The following OSBPL8 variants were observed in gnomAD, a reference collection of about 807,000 sequenced individuals.
OSBPL8 encodes the protein oxysterol-binding protein-related protein 8.
OSBPL8 carries 59 observed loss-of-function variants against 125.5 expected under a neutral mutation model. That is an observed-to-expected ratio of 0.47 (90% CI 0.38 to 0.58). OSBPL8 has a LOEUF of 0.58. Among genes scored for constraint, OSBPL8 ranks in the 20% least tolerant of loss-of-function variants. The pLI is 0.00. For missense variants in OSBPL8, 758 were observed against 1,047.8 expected (o/e 0.72, Z 3.82); for synonymous variants, 330 against 338.9 (o/e 0.97, Z 0.29).
chr12:76,367,372 T>C (rs564345453), intron 21 of OSBPL8, among the ~76,000 whole-genome samples: 5 of 152,290 alleles, frequency 3.3e-5, no homozygotes, highest in East Asian at 1.9e-4. Context: ...TTGGTTACTA[T>C]TGGCCACCTC....
At chr12:76,459,940 T>C in intron 2 of OSBPL8, 45 bp from the exon 3 acceptor site, 2 of 1,605,744 alleles carry the variant, frequency 1.2e-6, no homozygotes, top group Non-Finnish European at 1.7e-6. Flanking sequence ...ACAGTCCAAA[T>C]CAGGAAGAAG....
intron 4 of OSBPL8, chr12:76,422,800 C>T (rs1869667009): frequency 7.1e-6 from 2 of 283,122 alleles, no homozygotes; most frequent in Non-Finnish European, 1.5e-5. Context: ...AGGAGAAGGA[C>T]CAAAGACTGT....
chr12:76,526,061 T>C (rs772419386), intron 1 of OSBPL8, among the ~76,000 whole-genome samples: 30 of 152,228 alleles, frequency 2.0e-4, no homozygotes, highest in Non-Finnish European at 4.1e-4. Context: ...TGGACTTCAG[T>C]GTAAGTTGTA....
Position 76,352,545 on chromosome 12 carries a change from T to C in OSBPL8, c.*3344A>G, listed in dbSNP as rs1951860548. 6.6e-6 allele frequency: 1 copy of C among 152,560 alleles called. No homozygotes were observed. The highest frequency in any genetic ancestry group is 6.5e-5 in the Admixed American group (1 of 15,278). 9.5% of individuals were successfully genotyped at this position (152,560 alleles called of 1,614,324 possible). A position where few individuals can be genotyped will look rare whatever the true frequency, so the allele number is the denominator to read the frequency against. On this transcript the variant is annotated 3_prime_UTR_variant, in exon 24 of 24. Transcript: ENST00000261183. ...TAGTCAAATAAGATAGAAATTGAAATGTAAACTTACTGATTTCTGTGGGAT... is the reference window on the plus strand; with the variant it reads ...TAGTCAAATAAGATAGAAATTGAAACGTAAACTTACTGATTTCTGTGGGAT...
intron 5 of OSBPL8, among the ~76,000 whole-genome samples, chr12:76,404,571 C>A (rs1664412292): frequency 1.3e-5 from 2 of 152,048 alleles, no homozygotes; most frequent in Admixed American, 1.3e-4. Context: ...CCTGAGACAG[C>A]AAGACTAACT....
At chr12:76,378,381 A>G in intron 16 of OSBPL8, 71 bp downstream of exon 16, 1 of 1,070,850 alleles carries the variant, frequency 9.3e-7, no homozygotes. Flanking sequence ...ACAAAGCATA[A>G]CAAATCACAG....
intron 4 of OSBPL8, among the ~76,000 whole-genome samples, chr12:76,442,449 C>T (rs1872296396): frequency 6.6e-6 from 1 of 152,016 alleles, no homozygotes; most frequent in African/African-American, 2.4e-5. Flanking sequence ...CAGAAAACAA[C>T]CTATTTTTAA....
Position 76,436,666 on chromosome 12 carries a change from G to A in OSBPL8, c.217+14185C>T, listed in dbSNP as rs142988805. Among the ~76,000 whole-genome samples, 58 of 152,158 alleles carry A rather than the reference G, an allele frequency of 3.8e-4. No homozygotes were observed. The East Asian group carries it at 0.011, about 28-fold the overall frequency. ...TTAACTTAATAAAAAACTCATGGTA[G>A]TATACTCATTTTTTTCATCTAGTTA... On this transcript the variant is annotated intron_variant, in intron 4 of 23. Transcript: ENST00000261183.
At chr12:76,515,211 C>T (rs1881414991) in intron 1 of OSBPL8, among the ~76,000 whole-genome samples, 1 of 152,222 alleles carries the variant, frequency 6.6e-6, no homozygotes, top group South Asian at 2.1e-4. Flanking sequence ...ACTCGCAGGA[C>T]ACTCTGGCCA....
intron 1 of OSBPL8, among the ~76,000 whole-genome samples, chr12:76,514,605 T>C (rs1881349375): frequency 6.6e-6 from 1 of 152,214 alleles, no homozygotes; most frequent in Non-Finnish European, 1.5e-5. Context: ...ATTTCAATCT[T>C]GGAAAATCTG....
At chr12:76,495,790 G>A (rs967292413) in intron 1 of OSBPL8, among the ~76,000 whole-genome samples, 2 of 151,694 alleles carry the variant, frequency 1.3e-5, no homozygotes, top group Non-Finnish European at 2.9e-5. Flanking sequence ...TAATCCTGTT[G>A]GCTCTAAAAG....
At chr12:76,414,855 A>G (rs1453165169) in intron 4 of OSBPL8, among the ~76,000 whole-genome samples, 1 of 152,184 alleles carries the variant, frequency 6.6e-6, no homozygotes, top group Non-Finnish European at 1.5e-5. Context: ...TCCCACATCT[A>G]TTAAGATAAT....
At chr12:76,464,231 G>A (rs866010975) in intron 2 of OSBPL8, among the ~76,000 whole-genome samples, 4 of 152,178 alleles carry the variant, frequency 2.6e-5, no homozygotes, top group South Asian at 2.1e-4. Context: ...ATCCATGATC[G>A]CACCTGTGAA....
chr12:76,383,116 TA>T (rs1229890063), intron 15 of OSBPL8, among the ~76,000 whole-genome samples: 1 of 152,110 alleles, frequency 6.6e-6, no homozygotes, highest in African/African-American at 2.4e-5. Flanking sequence ...TTTCAAATTA[TA>T]AAGGAACAGA....
At chr12:76,473,721 G>C (rs1446361263) in intron 2 of OSBPL8, among the ~76,000 whole-genome samples, 1 of 152,140 alleles carries the variant, frequency 6.6e-6, no homozygotes, top group Admixed American at 6.6e-5. Context: ...TTCATACTGT[G>C]TTAACAACAA....
rs572386228 is a variant in OSBPL8 at position 76,382,334 on chromosome 12, T to C, written c.1630+1920A>G. ...TTACTGATTTTTTACCTATACTTTTTGGTGGCGATTTTTCTTTGTGTGTGT... is the reference window on the plus strand; with the variant it reads ...TTACTGATTTTTTACCTATACTTTTCGGTGGCGATTTTTCTTTGTGTGTGT... On this transcript the variant is annotated intron_variant, in intron 15 of 23. Coordinates refer to ENST00000261183, the MANE Select transcript of OSBPL8 (RefSeq NM_020841.5). Among the ~76,000 whole-genome samples, 45 of 152,264 alleles carry C rather than the reference T, an allele frequency of 3.0e-4. No individual in the cohort carries two copies. In the East Asian group the frequency reaches 8.5e-3, roughly 29 times the overall value.
chr12:76,552,428 CAAAAAAAAAAAAAA>C lies in OSBPL8; in HGVS notation c.-68+6955_-68+6968del, dbSNP rs55942644. Among the ~76,000 whole-genome samples the C allele has an allele frequency of 1.1e-4, 6 of 54,858 alleles. 1 individual carries two copies. Among genetic ancestry groups the C allele is most frequent in the African/African-American group, 2.2e-4 (3 of 13,612 alleles). 36.0% of individuals were successfully genotyped at this position (54,858 alleles called of 152,430 possible). On this transcript the variant is annotated intron_variant, in intron 1 of 23. Coordinates refer to ENST00000261183, the MANE Select transcript of OSBPL8 (RefSeq NM_020841.5). ...GCAACAGAGCGATACCCCATGTCTCCAAAAAAAAAAAAAAAAAAAAAAAAAAAATGTTGCAAGCA... is the reference window on the plus strand; with the variant it reads ...GCAACAGAGCGATACCCCATGTCTCCAAAAAAAAAAAAAATGTTGCAAGCA...
intron 1 of OSBPL8, among the ~76,000 whole-genome samples, chr12:76,545,135 T>C (rs1950749049): frequency 6.6e-6 from 1 of 152,202 alleles, no homozygotes; most frequent in Non-Finnish European, 1.5e-5. Flanking sequence ...GGTCGCATTG[T>C]GACAAGGGTG....
intron 20 of OSBPL8, 64 bp from the exon 21 acceptor site, chr12:76,369,365 C>G (rs1952536054): frequency 6.6e-7 from 1 of 1,521,010 alleles, no homozygotes; most frequent in African/African-American, 1.4e-5. Flanking sequence ...TTAAAACTTT[C>G]TATTCTATGA....
Sources: allele counts gnomAD v4.1 joint callset (sites outside exome capture counted in the v4.1 genomes callset), GRCh38; gene constraint gnomAD v4.1.1; transcripts MANE v1.5; gene names NCBI Gene and HGNC (gene_info 2026-07-23, HGNC 2026-07-21).